RINT1: variants seen among roughly 807,000 people sequenced by gnomAD.
The protein encoded by RINT1 is RAD50-interacting protein 1.
In RINT1, 75 loss-of-function variants were observed where a neutral mutation model predicts 97.7. The ratio of observed to expected loss-of-function variants is 0.77; its 90% CI spans 0.64 to 0.93. The LOEUF is 0.93. RINT1 is among the 40% of genes least tolerant of loss of function. The pLI is 0.00. For synonymous variants in RINT1, 303 were observed against 326.3 expected, an observed-to-expected ratio of 0.93 and a Z score of 0.77; for missense variants, 892 against 925.2, an observed-to-expected ratio of 0.96 and a Z score of 0.47.
chr7:105,535,214 T>C (rs1419592067), intron 2 of RINT1, among the ~76,000 whole-genome samples: 1 of 151,564 alleles, frequency 6.6e-6, no homozygotes, highest in East Asian at 1.9e-4. Flanking sequence ...TCGATGACAT[T>C]TGAAGCTTAA....
intron 11 of RINT1, among the ~76,000 whole-genome samples, chr7:105,559,008 T>C (rs1431995215): frequency 6.6e-6 from 1 of 152,154 alleles, no homozygotes; most frequent in African/African-American, 2.4e-5. Flanking sequence ...TATAATCTCA[T>C]GCTGAATTAA....
In RINT1 at chr7:105,553,589, C is replaced by T. The variant is rs111664561; in HGVS notation, c.1472-1439C>T. Among the ~76,000 whole-genome samples the T allele has an allele frequency of 6.5e-3, 977 of 150,900 alleles. 9 individuals are homozygous for T. The highest frequency in any genetic ancestry group is 0.023 in the African/African-American group (940 of 41,200). On this transcript the variant is annotated intron_variant, in intron 10 of 14. Coordinates refer to ENST00000257700, the MANE Select transcript of RINT1 (RefSeq NM_021930.6). Reference sequence around the variant, plus strand: ...CAAAAAAATTAGCCAGGCATGGTGGCGGCTCTACTAGAGATGGGGTTTCAT... The same window carrying T: ...CAAAAAAATTAGCCAGGCATGGTGGTGGCTCTACTAGAGATGGGGTTTCAT...
chr7:105,544,101 A>T (rs1343239341), intron 4 of RINT1, among the ~76,000 whole-genome samples: 2 of 140,998 alleles, frequency 1.4e-5, no homozygotes, highest in Admixed American at 7.2e-5. Flanking sequence ...ACTCCGTCTC[A>T]AAAAAAAAAC....
At position 105,563,886 on chromosome 7, in the gene RINT1, C is replaced by T. The variant is rs748446895; in HGVS notation, c.1825C>T (p.Arg609Cys). The change falls in exon 12 of 15, where the codon CGT becomes TGT. Residue 609 changes from arginine (R) to cysteine (C), a missense_variant. Transcript: ENST00000257700. ...ACGTTTAAAGCATGATATGTTGACC[C>T]GTCAAGTAGACCACGTTTTTAGAGA... ...LERLKHDMLT[R>C]QVDHVFREVK... 1.2e-6 allele frequency: 2 copies of T among 1,613,852 alleles called. No homozygotes were observed. The highest frequency in any genetic ancestry group is 1.7e-6 in the Non-Finnish European group (2 of 1,179,986).
At position 105,555,181 on chromosome 7, in the gene RINT1, C is replaced by A. The variant is rs758281458; in HGVS notation, c.1625C>A (p.Ala542Asp). 1 of 1,614,052 alleles carries A rather than the reference C, an allele frequency of 6.2e-7. No homozygotes were observed. The highest frequency in any genetic ancestry group is 1.7e-5 in the Admixed American group (1 of 60,024). ...LGFRYCAILN[A>D]VNYISTVLAD... ...TTTCGATACTGTGCAATTCTTAATGCTGTGAACTACATCTCAACAGTACTA... is the reference window on the plus strand; with the variant it reads ...TTTCGATACTGTGCAATTCTTAATGATGTGAACTACATCTCAACAGTACTA... The change falls in exon 11 of 15, where the codon GCT (alanine) becomes GAT (aspartate). Residue 542 changes from alanine (A) to aspartate (D), a missense_variant. Transcript: ENST00000257700.
chr7:105,547,528 AG>A (rs1790719696), intron 6 of RINT1, among the ~76,000 whole-genome samples, 195 bp downstream of exon 6: 1 of 152,146 alleles, frequency 6.6e-6, no homozygotes, highest in South Asian at 2.1e-4. Context: ...GAGGGCTGTA[AG>A]GAAGAGTTCC....
intron 11 of RINT1, among the ~76,000 whole-genome samples, chr7:105,559,645 G>A (rs1030440558): frequency 1.3e-5 from 2 of 151,762 alleles, no homozygotes; most frequent in African/African-American, 4.8e-5. Flanking sequence ...AGCTTGAACC[G>A]GGAGGCAGAG....
intron 11 of RINT1, 22 bp downstream of exon 11, chr7:105,555,249 T>C: frequency 2.5e-6 from 4 of 1,581,566 alleles, no homozygotes; most frequent in Non-Finnish European, 3.5e-6. Flanking sequence ...TGCTTTTATA[T>C]TAAGTAATAT....
At chr7:105,556,612 T>G (rs1017940931) in intron 11 of RINT1, among the ~76,000 whole-genome samples, 1 of 152,130 alleles carries the variant, frequency 6.6e-6, no homozygotes, top group African/African-American at 2.4e-5. Context: ...ATAAAAACCT[T>G]GGGTCCAGTT....
Position 105,536,765 on chromosome 7 carries a change from C to A in RINT1, c.273+16C>A, listed in dbSNP as rs577630964. ...AGAAGAACAGGTAAGTATTGAAACT[C>A]ACTGAAATAATTATCAGTGGAATAC... On this transcript the variant is annotated intron_variant, in intron 3 of 14. Transcript: ENST00000257700. 2 of 1,481,086 alleles carry A rather than the reference C, an allele frequency of 1.4e-6. No homozygotes were observed. The highest frequency in any genetic ancestry group is 2.1e-5 in the Admixed American group (1 of 47,156). 91.7% of individuals were successfully genotyped at this position (1,481,086 alleles called of 1,614,324 possible).
intron 12 of RINT1, among the ~76,000 whole-genome samples, chr7:105,564,667 TAA>T (rs768561122): frequency 6.6e-6 from 1 of 152,160 alleles, no homozygotes; most frequent in Non-Finnish European, 1.5e-5. Flanking sequence ...CTGTTTTTAC[TAA>T]AAATTAGAGG....
At chr7:105,552,980 A>G (rs1475438533) in intron 10 of RINT1, among the ~76,000 whole-genome samples, 1 of 152,006 alleles carries the variant, frequency 6.6e-6, no homozygotes, top group African/African-American at 2.4e-5. Flanking sequence ...TCATCATTCC[A>G]TATTTTTAAC....
At chr7:105,546,082 G>A (rs1324667459) in intron 4 of RINT1, among the ~76,000 whole-genome samples, 1 of 152,180 alleles carries the variant, frequency 6.6e-6, no homozygotes, top group African/African-American at 2.4e-5. Context: ...ACCCATGTTG[G>A]CCTCCCAAAG....
intron 3 of RINT1, chr7:105,542,203 T>TC: frequency 8.1e-6 from 4 of 493,546 alleles, no homozygotes; most frequent in Non-Finnish European, 7.1e-6. Context: ...GGTGTAGTGG[T>TC]GCATATGTGT....
At chr7:105,542,136 C>A (rs1164692100) in intron 3 of RINT1, 3 of 281,940 alleles carry the variant, frequency 1.1e-5, no homozygotes, top group African/African-American at 2.2e-5. Context: ...TACATACAGC[C>A]TGGGCAACAT....
At chr7:105,551,987 G>A (rs1395803591) in intron 10 of RINT1, among the ~76,000 whole-genome samples, 1 of 152,120 alleles carries the variant, frequency 6.6e-6, no homozygotes. Context: ...AGGATTTTTT[G>A]AGCATGGGAG....
At chr7:105,535,497 A>C in intron 2 of RINT1, 2 of 428,606 alleles carry the variant, frequency 4.7e-6, no homozygotes, top group South Asian at 3.5e-5. Flanking sequence ...CAAAGTGCTG[A>C]GATTACAGGC....
intron 14 of RINT1, chr7:105,566,901 A>T (rs1275946765): frequency 3.0e-6 from 1 of 332,684 alleles, no homozygotes; most frequent in Non-Finnish European, 5.4e-6. Flanking sequence ...ACATATTGAA[A>T]TAGGGATCGT....
At chr7:105,556,544 A>AT (rs1292551793) in intron 11 of RINT1, among the ~76,000 whole-genome samples, 1 of 152,034 alleles carries the variant, frequency 6.6e-6, no homozygotes, top group Non-Finnish European at 1.5e-5. Context: ...CAGCACTATG[A>AT]TTGTATCTGA....
Sources: gnomAD v4.1 joint callset for allele counts (sites outside exome capture counted in the v4.1 genomes callset) on GRCh38, gnomAD v4.1.1 for gene constraint, MANE v1.5 for transcripts, NCBI Gene and HGNC (gene_info 2026-07-23, HGNC 2026-07-21) for gene names.